The following ONECUT1 variants were observed in gnomAD, a reference collection of about 807,000 sequenced individuals.
ONECUT1 encodes one cut homeobox 1, also known as hepatocyte nuclear factor 6.
Under a neutral mutation model 25.6 loss-of-function variants are expected in ONECUT1, and 12 were observed. The observed-to-expected ratio is 0.47, with a 90% CI of 0.30 to 0.76. The LOEUF (loss-of-function observed/expected upper bound fraction) is 0.76. ONECUT1 is among the 30% of genes least tolerant of loss of function. ONECUT1 has a pLI of 0.07. For synonymous variants in ONECUT1, 285 were observed against 270.2 expected, an observed-to-expected ratio of 1.05 and a Z score of -0.54; for missense variants, 620 against 651.2, an observed-to-expected ratio of 0.95 and a Z score of 0.52.
At chr15:52,777,414 C>T (rs1050417695) in intron 1 of ONECUT1, among the ~76,000 whole-genome samples, 2 of 152,206 alleles carry the variant, frequency 1.3e-5, no homozygotes, top group Non-Finnish European at 2.9e-5. Flanking sequence ...ACCCTCAGTC[C>T]ATGGCTCCCT....
rs754989102 is a variant in ONECUT1, at chr15:52,788,811, C to T, written c.1074G>A (p.Glu358=). Residue 358 remains glutamate (E), a synonymous_variant, in exon 1 of 2, where the codon GAG becomes GAA. Coordinates refer to ENST00000305901, the MANE Select transcript of ONECUT1 (RefSeq NM_004498.4). This position sits in a 1 kb window ranked among gnomAD's most constrained non-coding sequence, Gnocchi z 4.3. Reference sequence around the variant, plus strand: ...AGCGGAGCGCGGACATGCGCTGGAACTCCGGCTCCTGCAGCCACTTCCACA... The same window carrying T: ...AGCGGAGCGCGGACATGCGCTGGAATTCCGGCTCCTGCAGCCACTTCCACA... ...RRMWKWLQEP[E]FQRMSALRLA... 2.5e-6 allele frequency: 4 copies of T among 1,613,042 alleles called. No homozygotes were observed. In the South Asian group the frequency reaches 4.4e-5, roughly 18 times the overall value.
At chr15:52,780,522 A>T (rs2083833831) in intron 1 of ONECUT1, 1 of 1,419,832 alleles carries the variant, frequency 7.0e-7, no homozygotes, top group Admixed American at 2.0e-5. Context: ...AGTAATTAGA[A>T]TTTAATCACT....
intron 1 of ONECUT1, among the ~76,000 whole-genome samples, chr15:52,758,962 A>G (rs934231676): frequency 6.6e-6 from 1 of 152,158 alleles, no homozygotes; most frequent in Admixed American, 6.5e-5. Context: ...CCAAGTAAAA[A>G]TAGTGCTCTG....
At chr15:52,769,128 T>C (rs1335927819) in intron 1 of ONECUT1, among the ~76,000 whole-genome samples, 1 of 152,204 alleles carries the variant, frequency 6.6e-6, no homozygotes, top group East Asian at 1.9e-4. Context: ...GCAATGAAGG[T>C]CAACCTCAAG....
intron 1 of ONECUT1, among the ~76,000 whole-genome samples, chr15:52,776,916 T>C (rs1163084596): frequency 6.6e-6 from 1 of 152,200 alleles, no homozygotes; most frequent in East Asian, 1.9e-4. Context: ...AAGAATTTCC[T>C]GGGGGTCTTG....
intron 1 of ONECUT1, among the ~76,000 whole-genome samples, chr15:52,760,915 A>G (rs2083702112): frequency 1.3e-5 from 2 of 151,988 alleles, no homozygotes; most frequent in African/African-American, 4.8e-5. Flanking sequence ...TCTACTACCC[A>G]GATCCCCCTT....
At chr15:52,770,643 TGTCTCTGAGA>T (rs1216489362) in intron 1 of ONECUT1, among the ~76,000 whole-genome samples, 2 of 152,312 alleles carry the variant, frequency 1.3e-5, no homozygotes, top group African/African-American at 4.8e-5. Flanking sequence ...CTATACCTAC[TGTCTCTGAGA>T]GTGAGATTCA....
At chr15:52,762,083 A>C (rs185010747) in intron 1 of ONECUT1, among the ~76,000 whole-genome samples, 1 of 152,332 alleles carries the variant, frequency 6.6e-6, no homozygotes, top group Admixed American at 6.5e-5. Flanking sequence ...TGGGAAAGTA[A>C]ATAACTGAGC....
In ONECUT1 at chr15:52,758,362, G is replaced by A. The variant is rs200432399; in HGVS notation, c.1106-515C>T. Among the ~76,000 whole-genome samples, 9 of 152,180 alleles carry A rather than the reference G, an allele frequency of 5.9e-5. No homozygotes were observed. In the East Asian group the frequency reaches 1.3e-3, roughly 23 times the overall value. ...GTAGAATATTAAGAGCCTAATCAGA[G>A]TCTAAAAACATAGTAGAAAGGAATT... On this transcript the variant is annotated intron_variant, in intron 1 of 1. Coordinates refer to ENST00000305901, the MANE Select transcript of ONECUT1 (RefSeq NM_004498.4).
At chr15:52,759,336 G>A (rs2083691984) in intron 1 of ONECUT1, among the ~76,000 whole-genome samples, 1 of 152,158 alleles carries the variant, frequency 6.6e-6, no homozygotes. Context: ...CAGCTGGGTA[G>A]ATCCTGGACT....
In ONECUT1 at chr15:52,789,099, C is replaced by G; in HGVS notation, c.786G>C (p.Gly262=). The change falls in exon 1 of 2, where the codon GGG becomes GGC. Residue 262 remains glycine (G), a synonymous_variant. Coordinates refer to ENST00000305901, the MANE Select transcript of ONECUT1 (RefSeq NM_004498.4). The surrounding 1 kb of genome is among the most constrained non-coding windows in gnomAD (Gnocchi z 4.1). ...GCTCCCGGGCTGTGCCCAGGAGTTG[C>G]CCGTGGCCCTGGGCGTTCAGGTGGG... ...PHAHLNAQGH[G]QLLGTAREPN... is the part of the protein sequence containing the mutation. 3 of 1,601,592 alleles carry G rather than the reference C, an allele frequency of 1.9e-6. No individual in the cohort carries two copies. The highest frequency in any genetic ancestry group is 2.5e-6 in the Non-Finnish European group (3 of 1,179,930).
intron 1 of ONECUT1, among the ~76,000 whole-genome samples, chr15:52,769,503 A>G (rs1356712757): frequency 1.3e-5 from 2 of 152,218 alleles, no homozygotes; most frequent in Non-Finnish European, 2.9e-5. Context: ...TATCAGAAAC[A>G]TATGGGGATA....
Position 52,788,448 on chromosome 15 carries a change from G to A in ONECUT1, c.1105+332C>T, listed in dbSNP as rs555078719. On this transcript the variant is annotated intron_variant, in intron 1 of 1. Coordinates refer to ENST00000305901, the MANE Select transcript of ONECUT1 (RefSeq NM_004498.4). This position sits in a 1 kb window ranked among gnomAD's most constrained non-coding sequence, Gnocchi z 4.3. ...CCGGATCGCTGAACTGAGAGGTGGC[G>A]CAGAGTGTCTCACCAGGTGCGGGGA... 3.0e-5 allele frequency: 9 copies of A among 295,706 alleles called. No homozygotes were observed. The highest frequency in any genetic ancestry group is 5.1e-5 in the Non-Finnish European group (8 of 157,112). The allele number at this position is 295,706 out of a possible 1,614,324, so 18.3% of individuals were successfully genotyped here. A position where few individuals can be genotyped will look rare whatever the true frequency, so the allele number is the denominator to read the frequency against.
chr15:52,759,831 G>A (rs2120449), intron 1 of ONECUT1, among the ~76,000 whole-genome samples: 6,373 of 151,654 alleles, frequency 0.042, 173 homozygotes, highest in East Asian at 0.1. Flanking sequence ...CTGGTCTTGA[G>A]CTCCTGGGCT....
chr15:52,781,342 ATC>A (rs1470827480), intron 1 of ONECUT1, among the ~76,000 whole-genome samples: 2 of 152,240 alleles, frequency 1.3e-5, no homozygotes, highest in South Asian at 2.1e-4. Flanking sequence ...GTAATAAAAA[ATC>A]TCTTTTACAA....
rs989233840 is a variant in ONECUT1 at position 52,755,163 on chromosome 15, A to G, written c.*2392T>C. ...AAGATTGTGTGTAGACACAGCTTGAATTTCCCTGCATTTAGAATTATCACG... is the reference window on the plus strand; with the variant it reads ...AAGATTGTGTGTAGACACAGCTTGAGTTTCCCTGCATTTAGAATTATCACG... On this transcript the variant is annotated 3_prime_UTR_variant, in exon 2 of 2. Coordinates refer to ENST00000305901, the MANE Select transcript of ONECUT1 (RefSeq NM_004498.4). 6.6e-6 allele frequency among the ~76,000 whole-genome samples: 1 copy of G among 152,034 alleles called. No homozygotes were observed. The highest frequency in any genetic ancestry group is 2.4e-5 in the African/African-American group (1 of 41,380).
chr15:52,762,643 A>G (rs553568297), intron 1 of ONECUT1, among the ~76,000 whole-genome samples: 24 of 152,280 alleles, frequency 1.6e-4, no homozygotes, highest in African/African-American at 5.1e-4. Flanking sequence ...GCAGATCAGT[A>G]TCCACGTGGG....
At chr15:52,781,500 G>A (rs559067241) in intron 1 of ONECUT1, among the ~76,000 whole-genome samples, 1 of 152,340 alleles carries the variant, frequency 6.6e-6, no homozygotes, top group South Asian at 2.1e-4. Flanking sequence ...CTAACCTGGT[G>A]CACCTGTCCT....
rs112104300 is a variant in ONECUT1 at position 52,790,017 on chromosome 15, GTCTCTC to G, written c.-139_-134del. The G allele has an allele frequency of 4.2e-5, 50 of 1,202,498 alleles. No individual in the cohort carries two copies. The highest frequency in any genetic ancestry group is 1.3e-4 in the South Asian group (6 of 47,770). 74.5% of individuals were successfully genotyped at this position (1,202,498 alleles called of 1,614,324 possible). The stretch of plus-strand genomic sequence containing the variant: ...TTCCTTCCTCTCACTGTGGGGCTCT[GTCTCTC>G]TCTCTCTCTCTCTCCGTGTGTGTGT... On this transcript the variant is annotated 5_prime_UTR_variant, in exon 1 of 2. Coordinates refer to ENST00000305901, the MANE Select transcript of ONECUT1 (RefSeq NM_004498.4).
Sources: gnomAD v4.1 joint callset for allele counts (sites outside exome capture counted in the v4.1 genomes callset) on GRCh38, gnomAD v4.1.1 for gene constraint, Gnocchi (gnomAD v3.1) non-coding constraint, MANE v1.5 for transcripts, NCBI Gene and HGNC (gene_info 2026-07-23, HGNC 2026-07-21) for gene names.